The following FAS variants were observed in gnomAD, a reference collection of about 807,000 sequenced individuals.
The protein encoded by FAS is tumor necrosis factor receptor superfamily member 6.
A neutral mutation model predicts 33.2 loss-of-function variants in FAS; 5 were observed. That is an observed-to-expected ratio of 0.15 (90% CI 0.08 to 0.32). FAS has a LOEUF of 0.32. Among genes scored for constraint, FAS ranks in the 10% least tolerant of loss-of-function variants. FAS has a pLI of 1.00. For missense variants in FAS, 339 were observed against 386.0 expected (o/e 0.88, Z 1.02); for synonymous variants, 131 against 130.7 (o/e 1.00, Z -0.01).
intron 2 of FAS, chr10:88,974,984 G>A (rs1846530292): frequency 6.6e-6 from 1 of 152,088 alleles, no homozygotes. Context: ...TTTAAAGTGA[G>A]GAAAATAATA....
At chr10:89,008,671 T>C (rs1479763116) in intron 3 of FAS, among the ~76,000 whole-genome samples, 2 of 152,292 alleles carry the variant, frequency 1.3e-5, no homozygotes, top group Middle Eastern at 3.4e-3. Flanking sequence ...CGTCTAAGTA[T>C]TGGTGAGGTT....
At chr10:89,007,579 A>T in intron 2 of FAS, 121 bp from the exon 3 acceptor site, 1 of 1,235,816 alleles carries the variant, frequency 8.1e-7, no homozygotes, top group Non-Finnish European at 1.1e-6. Context: ...ATATCTCATT[A>T]GCCTACCCCC....
chr10:88,969,703 T>A (rs1050208715), intron 1 of FAS, among the ~76,000 whole-genome samples: 3 of 152,224 alleles, frequency 2.0e-5, no homozygotes, highest in Non-Finnish European at 4.4e-5. Flanking sequence ...TCATATACGT[T>A]AATAGCACTC....
chr10:89,003,239 T>A, intron 2 of FAS, 45 bp downstream of exon 2: 1 of 1,603,272 alleles, frequency 6.2e-7, no homozygotes, highest in Non-Finnish European at 8.5e-7. Flanking sequence ...AAGTCACAGT[T>A]AGGAGTAGCA....
At position 89,014,641 on chromosome 10, in the gene FAS, G is replaced by A. The variant is rs1353237990; in HGVS notation, c.*191G>A. Reference sequence around the variant, plus strand: ...CTCCAAGGATGTTTAAAATCTAGTTGGGAAAACAAACTTCATCAAGAGTAA... The same window carrying A: ...CTCCAAGGATGTTTAAAATCTAGTTAGGAAAACAAACTTCATCAAGAGTAA... On this transcript the variant is annotated 3_prime_UTR_variant, in exon 9 of 9. Transcript: ENST00000652046. 4.1e-6 allele frequency: 3 copies of A among 729,190 alleles called. No individual in the cohort carries two copies. Among genetic ancestry groups the A allele is most frequent in the Non-Finnish European group, 7.2e-6 (3 of 414,228 alleles). The allele number at this position is 729,190 out of a possible 1,614,324, so 45.2% of individuals were successfully genotyped here.
At chr10:88,986,396 C>T (rs1390803577), upstream of FAS, among the ~76,000 whole-genome samples, 1 of 152,190 alleles carries the variant, frequency 6.6e-6, no homozygotes, top group Admixed American at 6.5e-5. Flanking sequence ...GATGTTTTCA[C>T]CCTACTAACC....
chr10:88,975,700 C>A (rs1019708614), intron 2 of FAS, among the ~76,000 whole-genome samples: 1 of 151,932 alleles, frequency 6.6e-6, no homozygotes, highest in Non-Finnish European at 1.5e-5. Flanking sequence ...CAGTGCCTGG[C>A]ACATATTGGC....
At chr10:88,990,241 A>C (rs550580064), upstream of FAS, among the ~76,000 whole-genome samples, 1 of 152,210 alleles carries the variant, frequency 6.6e-6, no homozygotes, top group Non-Finnish European at 1.5e-5. This position sits in a 1 kb window ranked among gnomAD's most constrained non-coding sequence, Gnocchi z 4.9. Flanking sequence ...CAGCCACAAC[A>C]TGGACAGCCC....
chr10:89,014,735 G>A lies in FAS; in HGVS notation c.*285G>A. The A allele has an allele frequency of 1.7e-6, 1 of 599,886 alleles. No homozygotes were observed. Among genetic ancestry groups the A allele is most frequent in the South Asian group, 1.5e-5 (1 of 65,784 alleles). 37.2% of individuals were successfully genotyped at this position (599,886 alleles called of 1,614,324 possible). The stretch of plus-strand genomic sequence containing the variant: ...GATGAAAGATTAAGATTATGCTCTG[G>A]CATCTAACATATGATTCTGTAGTAT... On this transcript the variant is annotated 3_prime_UTR_variant, in exon 9 of 9. Transcript: ENST00000652046.
At chr10:88,969,789 C>T (rs1347022159) in intron 1 of FAS, among the ~76,000 whole-genome samples, 1 of 152,142 alleles carries the variant, frequency 6.6e-6, no homozygotes, top group Non-Finnish European at 1.5e-5. Flanking sequence ...ATACATCTTC[C>T]TCACCAGCCT....
chr10:88,966,018 T>TA (rs554272110), intron 1 of FAS, among the ~76,000 whole-genome samples: 114 of 152,282 alleles, frequency 7.5e-4, no homozygotes, highest in African/African-American at 2.6e-3. Context: ...GGCAATTTGT[T>TA]AAAATGTATT....
intron 1 of FAS, among the ~76,000 whole-genome samples, chr10:88,994,987 C>T (rs7909414): frequency 0.9 from 137,015 of 151,818 alleles, 62,059 homozygotes; most frequent in East Asian, 0.99. Context: ...TAAAATAATT[C>T]AAAACGATAA....
chr10:88,983,628 A>T (rs952166099), upstream of FAS, among the ~76,000 whole-genome samples: 16 of 147,888 alleles, frequency 1.1e-4, no homozygotes, highest in African/African-American at 3.9e-4. Flanking sequence ...AAAAAAAAAA[A>T]AAAAAAAAAA....
Position 88,978,176 on chromosome 10 carries a change from A to C in FAS, n.260+4829A>C, listed in dbSNP as rs572025841. On this transcript the variant is annotated intron_variant and non_coding_transcript_variant, in intron 2 of 3. Coordinates refer to the FAS transcript ENST00000688239. ...AAAAAACCAAACACCGCATATTCTC[A>C]CTCATAGGTGGGAATTGAACAATGA... 8.5e-4 allele frequency among the ~76,000 whole-genome samples: 107 copies of C among 125,820 alleles called. 1 individual carries two copies. The Middle Eastern group carries it at 0.011, about 13-fold the overall frequency. 82.5% of individuals were successfully genotyped at this position (125,820 alleles called of 152,430 possible).
chr10:88,991,104 A>G (rs1445125223), intron 1 of FAS, 198 bp downstream of exon 1: 3 of 664,780 alleles, frequency 4.5e-6, no homozygotes, highest in African/African-American at 1.8e-5. Context: ...CCGGGTGCTC[A>G]GAACGCTGGA....
chr10:88,981,398 G>A (rs1208392527), intron 2 of FAS, among the ~76,000 whole-genome samples: 2 of 149,526 alleles, frequency 1.3e-5, no homozygotes, highest in Non-Finnish European at 3.0e-5. Context: ...TTTTTTTAAA[G>A]AACTGGCCAT....
upstream of FAS, among the ~76,000 whole-genome samples, chr10:88,988,257 A>C (rs1253138508): frequency 6.6e-6 from 1 of 152,248 alleles, no homozygotes; most frequent in Non-Finnish European, 1.5e-5. Context: ...AAGAAGAAGG[A>C]GAAAGGCAGG....
At chr10:88,978,903 A>T (rs1564660844) in intron 2 of FAS, among the ~76,000 whole-genome samples, 1 of 151,260 alleles carries the variant, frequency 6.6e-6, no homozygotes, top group Admixed American at 6.6e-5. Flanking sequence ...TATTATTATT[A>T]TATTATTATT....
At chr10:88,997,923 A>G (rs1378050166) in intron 1 of FAS, among the ~76,000 whole-genome samples, 1 of 152,166 alleles carries the variant, frequency 6.6e-6, no homozygotes, top group Non-Finnish European at 1.5e-5. Flanking sequence ...GCACCTGCTA[A>G]TTCTAGTTCT....
Sources: gnomAD v4.1 joint callset for allele counts (sites outside exome capture counted in the v4.1 genomes callset) on GRCh38, gnomAD v4.1.1 for gene constraint, Gnocchi (gnomAD v3.1) non-coding constraint, MANE v1.5 for transcripts, NCBI Gene and HGNC (gene_info 2026-07-23, HGNC 2026-07-21) for gene names.